PTRH1: variants seen among roughly 807,000 people sequenced by gnomAD.
PTRH1 encodes peptidyl-tRNA hydrolase 1 homolog.
PTRH1 carries 13 observed loss-of-function variants against 15.7 expected under a neutral mutation model. The observed-to-expected ratio is 0.83, with a 90% CI of 0.54 to 1.31. PTRH1 has a LOEUF of 1.31. Ranked by LOEUF, PTRH1 falls within the 40% of genes most tolerant of loss-of-function variation. The pLI, the probability that PTRH1 is intolerant of heterozygous loss-of-function variation, is 0.00. For missense variants in PTRH1, 319 were observed against 296.2 expected (o/e 1.08, Z -0.56); for synonymous variants, 139 against 136.7 (o/e 1.02, Z -0.12).
chr9:127,713,404 G>T, downstream of PTRH1: 1 of 511,042 alleles, frequency 2.0e-6, no homozygotes, highest in Middle Eastern at 5.0e-4. Flanking sequence ...CCCTGGGAGG[G>T]GGGTTGGCTG....
chr9:127,714,918 G>GGGGGGGGGCCCCCCCCCCCCCCCCCCCC, intron 2 of PTRH1, 57 bp downstream of exon 2: 1 of 398,848 alleles, frequency 2.5e-6, no homozygotes, highest in East Asian at 4.9e-5. Context: ...TCTGGCCCCC[G>GGGGGGGGGCCCCCCCCCCCCCCCCCCCC]CGCCCCAACC....
rs752164335 is a variant in PTRH1 at position 127,714,129 on chromosome 9, G to A, written c.616C>T (p.Arg206Ter). ...GGCCCCAGTGAGGGCCCCTGGCTTC[G>A]CTCACGGATGTGGTCCAAGATCAGG... ...TDLILDHIRE[R>*]SQGPSLGP Residue 206 changes from arginine to a stop codon, truncating the protein, a stop_gained, in exon 5 of 5, where the codon CGA (arginine) becomes TGA (stop). Transcript: ENST00000543175. LOFTEE classifies it high-confidence loss of function. The A allele has an allele frequency of 6.2e-6, 10 of 1,613,378 alleles. No homozygotes were observed. Among genetic ancestry groups the A allele is most frequent in the Admixed American group, 5.0e-5 (3 of 59,962 alleles).
chr9:127,695,095 G>GGTGA lies in PTRH1; in HGVS notation c.251_252insTCAC (p.His86ProfsTer60). ...GATGATGATGATGATGATGATGATGGTGATGATGATGATGCTGCTGCTGTT... is the reference window on the plus strand; with the variant it reads ...GATGATGATGATGATGATGATGATGGGTGATGATGATGATGATGCTGCTGCTGTT... On this transcript the variant is annotated frameshift_variant, in exon 2 of 3. Transcript: ENST00000335223. LOFTEE classifies it high-confidence loss of function. The GGTGA allele has an allele frequency of 4.2e-6, 2 of 471,002 alleles. No individual in the cohort carries two copies. Among genetic ancestry groups the GGTGA allele is most frequent in the Non-Finnish European group, 3.7e-6 (1 of 268,660 alleles). The allele number at this position is 471,002 out of a possible 1,614,324, so 29.2% of individuals were successfully genotyped here.
At chr9:127,710,600 G>C (rs780049540), downstream of PTRH1, 1 of 1,579,332 alleles carries the variant, frequency 6.3e-7, no homozygotes, top group Non-Finnish European at 8.6e-7. Flanking sequence ...GTGGCGGCCA[G>C]GGGGGAAGCT....
chr9:127,702,228 G>C (rs1187494069), intron 1 of PTRH1, among the ~76,000 whole-genome samples: 9 of 151,630 alleles, frequency 5.9e-5, no homozygotes, highest in Admixed American at 5.3e-4. Context: ...AAAAAATTAG[G>C]CAGGCATGGT....
At chr9:127,701,914 C>CA (rs111470749) in intron 1 of PTRH1, among the ~76,000 whole-genome samples, 232 of 135,184 alleles carry the variant, frequency 1.7e-3, no homozygotes, top group Non-Finnish European at 1.7e-3. Flanking sequence ...AACTCTGTCT[C>CA]AAAAAAAAAA....
downstream of PTRH1, chr9:127,709,276 T>C (rs1842710297): frequency 6.6e-6 from 5 of 758,480 alleles, no homozygotes; most frequent in Non-Finnish European, 8.5e-6. This position sits in a 1 kb window ranked among gnomAD's most constrained non-coding sequence, Gnocchi z 4.7. Context: ...CCAAGGGGCA[T>C]AGTGGGAGAT....
intron 1 of PTRH1, among the ~76,000 whole-genome samples, chr9:127,704,582 T>C (rs1234736261): frequency 6.6e-6 from 1 of 151,666 alleles, no homozygotes; most frequent in Non-Finnish European, 1.5e-5. Flanking sequence ...CTTTAAGCCT[T>C]GAGAGATATG....
At chr9:127,713,330 TC>T, downstream of PTRH1, 1 of 746,436 alleles carries the variant, frequency 1.3e-6, no homozygotes, top group Non-Finnish European at 2.1e-6. Flanking sequence ...AGCCTTCCCA[TC>T]TGTAAAATGG....
At chr9:127,711,978 G>A (rs755130696), downstream of PTRH1, 34 of 1,587,940 alleles carry the variant, frequency 2.1e-5, no homozygotes, top group Middle Eastern at 2.2e-4. Flanking sequence ...AGGGGCGGGC[G>A]GCGGGTGCAG....
intron 2 of PTRH1, 41 bp downstream of exon 2, chr9:127,714,934 C>A (rs904613467): frequency 1.4e-5 from 9 of 645,712 alleles, no homozygotes; most frequent in Non-Finnish European, 2.4e-5. Flanking sequence ...CAACCCCCAC[C>A]CCCTTGGCCC....
chr9:127,711,637 C>T (rs1367831367), downstream of PTRH1: 9 of 1,197,708 alleles, frequency 7.5e-6, no homozygotes, highest in African/African-American at 6.1e-5. Context: ...CCTGTGGGGG[C>T]TGCAGGGTGC....
chr9:127,695,839 TG>T (rs1842555882), intron 1 of PTRH1: 1 of 152,200 alleles, frequency 6.6e-6, no homozygotes, highest in Non-Finnish European at 1.5e-5. Context: ...CACCACATAT[TG>T]CTTATTTGGA....
chr9:127,712,101 C>A, downstream of PTRH1: 1 of 1,534,812 alleles, frequency 6.5e-7, no homozygotes, highest in East Asian at 2.3e-5. Context: ...GATGGGGGCC[C>A]CTGTGGGCTT....
chr9:127,714,932 A>AACCCCCG (rs1842900515), intron 2 of PTRH1, 43 bp downstream of exon 2: 5 of 259,158 alleles, frequency 1.9e-5, no homozygotes, highest in Non-Finnish European at 3.5e-5. Flanking sequence ...CCCAACCCCC[A>AACCCCCG]CCCCCTTGGC....
Position 127,705,879 on chromosome 9 carries a change from G to A in PTRH1, c.205+9556C>T, listed in dbSNP as rs553646267. 2.0e-5 allele frequency among the ~76,000 whole-genome samples: 3 copies of A among 152,360 alleles called. No individual in the cohort carries two copies. Among genetic ancestry groups the A allele is most frequent in the South Asian group, 2.1e-4 (1 of 4,834 alleles). ...GCATGGGGGTCTCTTCCCTCTGCCAGTCACATTTGTGCCCTCCCAGGGCTG... is the reference window on the plus strand; with the variant it reads ...GCATGGGGGTCTCTTCCCTCTGCCAATCACATTTGTGCCCTCCCAGGGCTG... On this transcript the variant is annotated intron_variant, in intron 1 of 2. Coordinates refer to the PTRH1 transcript ENST00000335223. This position sits in a 1 kb window ranked among gnomAD's most constrained non-coding sequence, Gnocchi z 4.7.
downstream of PTRH1, chr9:127,711,398 G>A (rs781304068): frequency 6.2e-6 from 10 of 1,614,188 alleles, no homozygotes; most frequent in Admixed American, 5.0e-5. Flanking sequence ...GCAGGAGAAT[G>A]AGCAGCTCAA....
In PTRH1 at chr9:127,713,843, C is replaced by G. The variant is rs1404201502; in HGVS notation, c.*257G>C. ...ATCTTTAATCTTACAGATGCGTGCC[C>G]CTGGTTCTCTAAAAAGGCTTGAAAA... On this transcript the variant is annotated 3_prime_UTR_variant, in exon 5 of 5. Transcript: ENST00000543175. 1 of 1,613,796 alleles carries G rather than the reference C, an allele frequency of 6.2e-7. No individual in the cohort carries two copies. The highest frequency in any genetic ancestry group is 1.3e-5 in the African/African-American group (1 of 75,024).
chr9:127,710,516 G>A (rs1409873373), downstream of PTRH1: 5 of 1,492,004 alleles, frequency 3.4e-6, no homozygotes, highest in Non-Finnish European at 4.5e-6. Context: ...AAGGGACAGG[G>A]ACCTAAGGGG....
Sources: allele counts gnomAD v4.1 joint callset (sites outside exome capture counted in the v4.1 genomes callset), GRCh38; gene constraint gnomAD v4.1.1; non-coding constraint Gnocchi (gnomAD v3.1); transcripts MANE v1.5; gene names NCBI Gene and HGNC (gene_info 2026-07-23, HGNC 2026-07-21).